INSR: variants seen among roughly 807,000 people sequenced by gnomAD.
INSR encodes insulin receptor.
A neutral mutation model predicts 142.6 loss-of-function variants in INSR; 67 were observed. The observed-to-expected ratio is 0.47, with a 90% CI of 0.39 to 0.58. INSR has a LOEUF of 0.58. Ranked by LOEUF, INSR falls within the 20% of genes least tolerant of loss-of-function variation. INSR has a pLI of 0.00. For synonymous variants in INSR, 756 were observed against 743.1 expected (o/e 1.02, Z -0.28); for missense variants, 1,248 against 1,833.2 (o/e 0.68, Z 5.83).
At chr19:7,291,297 GC>G (rs2145258676) in intron 1 of INSR, among the ~76,000 whole-genome samples, 1 of 152,314 alleles carries the variant, frequency 6.6e-6, no homozygotes, top group Non-Finnish European at 1.5e-5. Context: ...CAGCCCTGCT[GC>G]CTGCTGGCCT....
intron 2 of INSR, among the ~76,000 whole-genome samples, chr19:7,224,627 G>A (rs562324092): frequency 1.2e-3 from 188 of 152,326 alleles, no homozygotes; most frequent in Non-Finnish European, 1.9e-3. Context: ...CTCTGCCGGA[G>A]GGCGATGGTC....
At chr19:7,280,664 C>G (rs1968182196) in intron 1 of INSR, among the ~76,000 whole-genome samples, 1 of 151,776 alleles carries the variant, frequency 6.6e-6, no homozygotes, top group African/African-American at 2.4e-5. Context: ...TTGTGATGAG[C>G]CGATATCATG....
At chr19:7,228,951 G>A (rs977057762) in intron 2 of INSR, among the ~76,000 whole-genome samples, 5 of 150,822 alleles carry the variant, frequency 3.3e-5, no homozygotes, top group South Asian at 4.2e-4. Context: ...GGAGGGACAG[G>A]TGTGTGGATT....
chr19:7,152,414 A>G, intron 10 of INSR: 1 of 392,328 alleles, frequency 2.5e-6, no homozygotes. Context: ...AGAAAAAAAA[A>G]AATGTTAATC....
chr19:7,250,038 A>G (rs1253352269), intron 2 of INSR, among the ~76,000 whole-genome samples: 2 of 151,992 alleles, frequency 1.3e-5, no homozygotes, highest in Non-Finnish European at 2.9e-5. Context: ...AGGGGCCTGT[A>G]GTCCCAACTA....
intron 13 of INSR, among the ~76,000 whole-genome samples, chr19:7,137,156 A>G (rs1429013042): frequency 2.0e-5 from 3 of 151,900 alleles, no homozygotes; most frequent in Non-Finnish European, 4.4e-5. Flanking sequence ...TATGTGCACA[A>G]TTTATACTGT....
At chr19:7,170,053 C>T (rs577221632) in intron 6 of INSR, among the ~76,000 whole-genome samples, 8 of 152,224 alleles carry the variant, frequency 5.3e-5, no homozygotes, top group Admixed American at 3.9e-4. Flanking sequence ...TGGCCTGTTA[C>T]GAACAGGGCT....
At chr19:7,205,883 T>C (rs1360315348) in intron 2 of INSR, among the ~76,000 whole-genome samples, 2 of 152,146 alleles carry the variant, frequency 1.3e-5, no homozygotes, top group Non-Finnish European at 2.9e-5. Flanking sequence ...AGTGAGACAC[T>C]GTCTGAGGCT....
chr19:7,249,243 A>G (rs1169968118), intron 2 of INSR, among the ~76,000 whole-genome samples: 1 of 152,094 alleles, frequency 6.6e-6, no homozygotes, highest in Non-Finnish European at 1.5e-5. Context: ...GACATCTGTG[A>G]TGACGTCTTC....
chr19:7,170,678 T>C lies in INSR; in HGVS notation c.1342A>G (p.Ile448Val). ...LWDWSKHNLT[I>V]TQGKLFFHYN... ...TGGAAGAAGAGTTTCCCCTGAGTGA[T>C]GGTGAGGTTGTGTTTGCTCCAGTCC... Residue 448 changes from isoleucine to valine, a missense_variant, in exon 6 of 22, where the codon ATC (isoleucine) becomes GTC (valine). Transcript: ENST00000302850. The C allele has an allele frequency of 2.5e-6, 4 of 1,614,012 alleles. No individual in the cohort carries two copies. The South Asian group carries it at 3.3e-5, about 13-fold the overall frequency.
At chr19:7,154,294 C>T (rs1973527390) in intron 9 of INSR, among the ~76,000 whole-genome samples, 1 of 145,256 alleles carries the variant, frequency 6.9e-6, no homozygotes, top group Non-Finnish European at 1.5e-5. Context: ...CAAAAAACCA[C>T]AATTACTTTT....
At position 7,150,180 on chromosome 19, in the gene INSR, G is replaced by A. The variant is rs893769977; in HGVS notation, c.2267+317C>T. Among the ~76,000 whole-genome samples, 1 of 152,144 alleles carries A rather than the reference G, an allele frequency of 6.6e-6. No homozygotes were observed. The highest frequency in any genetic ancestry group is 6.5e-5 in the Admixed American group (1 of 15,278). On this transcript the variant is annotated intron_variant, in intron 11 of 21. Transcript: ENST00000302850. This position sits in a 1 kb window ranked among gnomAD's most constrained non-coding sequence, Gnocchi z 4.2. ...CCCCCACCCACCTCTGCAAATGCAC[G>A]CGGGAGGTGCAGAGATGTTTAGTGA... is the stretch of plus-strand genomic sequence containing the variant.
chr19:7,200,931 G>A (rs1041786201), intron 2 of INSR, among the ~76,000 whole-genome samples: 9 of 150,982 alleles, frequency 6.0e-5, no homozygotes, highest in Admixed American at 1.3e-4. Context: ...TGTGGTTGCC[G>A]AGTCACAGCT....
At chr19:7,220,331 C>T (rs1345782496) in intron 2 of INSR, among the ~76,000 whole-genome samples, 4 of 152,186 alleles carry the variant, frequency 2.6e-5, no homozygotes, top group Non-Finnish European at 5.9e-5. Context: ...CGCTCTGTCG[C>T]CCAGCCTGGA....
rs1555753814 is a variant in INSR at position 7,215,578 on chromosome 19, A to ATTTATTTATTTATTTT, written c.653-30942_653-30941insAAAATAAATAAATAAA. Among the ~76,000 whole-genome samples, 6 of 150,948 alleles carry ATTTATTTATTTATTTT rather than the reference A, an allele frequency of 4.0e-5. 2 individuals are homozygous for ATTTATTTATTTATTTT. In the South Asian group the frequency reaches 1.3e-3, roughly 32 times the overall value. On this transcript the variant is annotated intron_variant, in intron 2 of 21. Transcript: ENST00000302850. ...CCTGTATTTATTTATTTATTTATTT[A>ATTTATTTATTTATTTT]TTTTTTTGAGATGGAGTCTTGCTCT...
In INSR at chr19:7,150,271, T is replaced by TTTTA. The variant is rs1327495375; in HGVS notation, c.2267+222_2267+225dup. Among the ~76,000 whole-genome samples the TTTTA allele has an allele frequency of 1.3e-5, 2 of 152,192 alleles. No individual in the cohort carries two copies. The highest frequency in any genetic ancestry group is 2.9e-5 in the Non-Finnish European group (2 of 68,028). ...CAGGAAGCACTCCCATGATTCTATG[T>TTTTA]TTTAGCAAGAGTGTGTTAGTGAAGG... On this transcript the variant is annotated intron_variant, in intron 11 of 21. Coordinates refer to ENST00000302850, the MANE Select transcript of INSR (RefSeq NM_000208.4). This position sits in a 1 kb window ranked among gnomAD's most constrained non-coding sequence, Gnocchi z 4.2.
intron 9 of INSR, among the ~76,000 whole-genome samples, chr19:7,156,393 G>C (rs957402791): frequency 1.3e-5 from 2 of 152,062 alleles, no homozygotes; most frequent in African/African-American, 4.8e-5. Flanking sequence ...CCATTCATGA[G>C]TCCAGAAATC....
chr19:7,219,481 G>GAGGA (rs1161511262), intron 2 of INSR, among the ~76,000 whole-genome samples: 1 of 140,368 alleles, frequency 7.1e-6, no homozygotes, highest in Admixed American at 7.1e-5. Context: ...AAAAGGGAGG[G>GAGGA]AGGGAAGGAA....
intron 17 of INSR, chr19:7,123,214 G>C: frequency 5.6e-6 from 3 of 534,014 alleles, no homozygotes; most frequent in South Asian, 4.1e-5. Flanking sequence ...TGTTACCCAG[G>C]CTAGAGTGCA....
Sources: gnomAD v4.1 joint callset for allele counts (sites outside exome capture counted in the v4.1 genomes callset) on GRCh38, gnomAD v4.1.1 for gene constraint, Gnocchi (gnomAD v3.1) non-coding constraint, MANE v1.5 for transcripts, NCBI Gene and HGNC (gene_info 2026-07-23, HGNC 2026-07-21) for gene names.